The following CCSER1 variants were observed in gnomAD, a reference collection of about 807,000 sequenced individuals.
CCSER1 encodes the protein coiled-coil serine rich protein 1, also known as serine-rich coiled-coil domain-containing protein 1.
Under a neutral mutation model 82.0 loss-of-function variants are expected in CCSER1, and 41 were observed. The observed-to-expected ratio is 0.50, with a 90% CI of 0.39 to 0.65. CCSER1 has a LOEUF of 0.65. Ranked by LOEUF, CCSER1 falls within the 30% of genes least tolerant of loss-of-function variation. The probability of loss-of-function intolerance (pLI) is 0.00; values close to 1 mark genes in which losing one functional copy is unlikely to be tolerated. For missense variants in CCSER1, 1,119 were observed against 1,064.2 expected, an observed-to-expected ratio of 1.05 and a Z score of -0.72; for synonymous variants, 414 against 383.9, an observed-to-expected ratio of 1.08 and a Z score of -0.92.
At chr4:90,675,215 G>A (rs1438339336) in intron 6 of CCSER1, among the ~76,000 whole-genome samples, 2 of 151,940 alleles carry the variant, frequency 1.3e-5, no homozygotes, top group East Asian at 3.9e-4. Flanking sequence ...GAGAAGATCT[G>A]TCAAAATAGT....
At chr4:90,339,181 C>T (rs868153749) in intron 3 of CCSER1, among the ~76,000 whole-genome samples, 14 of 152,180 alleles carry the variant, frequency 9.2e-5, no homozygotes, top group East Asian at 5.8e-4. Context: ...GAACTTCTTC[C>T]TGCCTGTGTT....
At chr4:91,197,621 A>T (rs1735552011) in intron 10 of CCSER1, among the ~76,000 whole-genome samples, 1 of 152,236 alleles carries the variant, frequency 6.6e-6, no homozygotes, top group Admixed American at 6.5e-5. Context: ...TGAATTGTAT[A>T]AGATGTTACT....
intron 6 of CCSER1, among the ~76,000 whole-genome samples, chr4:90,656,209 C>A (rs950558280): frequency 1.3e-5 from 2 of 151,810 alleles, no homozygotes; most frequent in Non-Finnish European, 3.0e-5. Context: ...AATAAAAGAT[C>A]TTTATTTCCA....
chr4:90,925,588 C>T (rs1187619291), intron 9 of CCSER1, among the ~76,000 whole-genome samples: 1 of 152,084 alleles, frequency 6.6e-6, no homozygotes, highest in African/African-American at 2.4e-5. Context: ...ATTCTAACAC[C>T]ATAGTTACCA....
chr4:91,170,768 T>G (rs1468143672), intron 10 of CCSER1, among the ~76,000 whole-genome samples: 3 of 152,196 alleles, frequency 2.0e-5, no homozygotes, highest in African/African-American at 7.2e-5. Flanking sequence ...CCCCTGATTT[T>G]GCAACACATG....
chr4:90,327,998 C>G (rs922004383), intron 3 of CCSER1, among the ~76,000 whole-genome samples: 3 of 152,192 alleles, frequency 2.0e-5, no homozygotes, highest in African/African-American at 7.2e-5. Context: ...TTTCAGATTC[C>G]TTTGGAGGCT....
At chr4:90,761,604 G>A (rs947235390) in intron 7 of CCSER1, among the ~76,000 whole-genome samples, 1 of 152,130 alleles carries the variant, frequency 6.6e-6, no homozygotes, top group African/African-American at 2.4e-5. Context: ...TGGTAACACA[G>A]CAATGCACTG....
intron 9 of CCSER1, among the ~76,000 whole-genome samples, chr4:90,948,872 G>A (rs1390903946): frequency 6.6e-6 from 1 of 151,726 alleles, no homozygotes; most frequent in Non-Finnish European, 1.5e-5. Context: ...GGGTCCTTAG[G>A]CTATGAACCA....
chr4:91,374,623 T>C (rs1368552598), intron 10 of CCSER1, among the ~76,000 whole-genome samples: 2 of 152,232 alleles, frequency 1.3e-5, no homozygotes, highest in Non-Finnish European at 2.9e-5. Flanking sequence ...GATTAATGTT[T>C]TTATGCCTGC....
intron 10 of CCSER1, among the ~76,000 whole-genome samples, chr4:91,221,463 AAG>A (rs1474902299): frequency 6.6e-6 from 1 of 152,140 alleles, no homozygotes; most frequent in African/African-American, 2.4e-5. Flanking sequence ...ACATTTATTA[AAG>A]AGTGTTATAA....
chr4:90,153,841 A>G (rs1185262787), intron 1 of CCSER1, among the ~76,000 whole-genome samples: 1 of 151,974 alleles, frequency 6.6e-6, no homozygotes, highest in African/African-American at 2.4e-5. Flanking sequence ...TTGCCTATTC[A>G]CTCTGATGGT....
At chr4:90,183,324 G>C (rs904816317) in intron 1 of CCSER1, among the ~76,000 whole-genome samples, 3 of 151,926 alleles carry the variant, frequency 2.0e-5, no homozygotes, top group Non-Finnish European at 4.4e-5. Flanking sequence ...TCTTGCAGGG[G>C]TAATAACTAA....
chr4:90,883,875 AAAG>A (rs1274371174), intron 8 of CCSER1, among the ~76,000 whole-genome samples: 9 of 152,290 alleles, frequency 5.9e-5, no homozygotes, highest in South Asian at 2.1e-4. Flanking sequence ...GGAGAGAAAG[AAAG>A]AAGGAGAAAG....
intron 3 of CCSER1, among the ~76,000 whole-genome samples, chr4:90,392,614 A>G (rs568817105): frequency 1.3e-5 from 2 of 152,280 alleles, no homozygotes; most frequent in South Asian, 4.1e-4. Context: ...TCATATTATA[A>G]TAAGGAATAA....
At chr4:90,224,490 G>A (rs1742757926) in intron 1 of CCSER1, among the ~76,000 whole-genome samples, 1 of 152,066 alleles carries the variant, frequency 6.6e-6, no homozygotes, top group Non-Finnish European at 1.5e-5. Context: ...TAGATAGTTT[G>A]TTCATCACCT....
chr4:91,568,690 G>A (rs1378559363), intron 10 of CCSER1, among the ~76,000 whole-genome samples: 1 of 152,138 alleles, frequency 6.6e-6, no homozygotes, highest in Non-Finnish European at 1.5e-5. Context: ...ATTCAGCTCT[G>A]TCAGACCCAT....
At chr4:90,976,268 TG>T in intron 9 of CCSER1, among the ~76,000 whole-genome samples, 1 of 151,394 alleles carries the variant, frequency 6.6e-6, no homozygotes, top group Middle Eastern at 3.4e-3. Flanking sequence ...AGGGAATGAT[TG>T]TATAATTTAC....
At chr4:90,615,109 CTG>C (rs1437790828) in intron 5 of CCSER1, among the ~76,000 whole-genome samples, 3 of 152,136 alleles carry the variant, frequency 2.0e-5, no homozygotes, top group Non-Finnish European at 4.4e-5. Context: ...ACATGGAACA[CTG>C]AATATTTTAA....
chr4:90,365,955 C>T (rs938471241), intron 3 of CCSER1, among the ~76,000 whole-genome samples: 2 of 151,726 alleles, frequency 1.3e-5, no homozygotes, highest in Non-Finnish European at 3.0e-5. Flanking sequence ...TTCTTGCATA[C>T]TACAGCATTT....
Sources: allele counts gnomAD v4.1 joint callset (sites outside exome capture counted in the v4.1 genomes callset), GRCh38; gene constraint gnomAD v4.1.1; transcripts MANE v1.5; gene names NCBI Gene and HGNC (gene_info 2026-07-23, HGNC 2026-07-21).